Variants in EGFLAM observed in about 807,000 individuals in gnomAD.
EGFLAM encodes EGF like, fibronectin type III and laminin G domains, also known as pikachurin.
A neutral mutation model predicts 113.1 loss-of-function variants in EGFLAM; 79 were observed. The observed-to-expected ratio is 0.70, with a 90% CI of 0.58 to 0.84. The LOEUF (loss-of-function observed/expected upper bound fraction) is 0.84. Ranked by LOEUF, EGFLAM falls within the 40% of genes least tolerant of loss-of-function variation. The probability of loss-of-function intolerance (pLI) is 0.00; values close to 1 mark genes in which losing one functional copy is unlikely to be tolerated. For synonymous variants in EGFLAM, 504 were observed against 487.6 expected (o/e 1.03, Z -0.44); for missense variants, 1,265 against 1,291.6 (o/e 0.98, Z 0.32).
At chr5:38,412,675 A>G (rs1271651784) in intron 11 of EGFLAM, 27 bp downstream of exon 11, 1 of 1,606,674 alleles carries the variant, frequency 6.2e-7, no homozygotes, top group Non-Finnish European at 8.5e-7. Flanking sequence ...CACCCTGCCC[A>G]CCCCACATAC....
At chr5:38,306,992 G>A (rs1023235168) in intron 1 of EGFLAM, among the ~76,000 whole-genome samples, 1 of 152,190 alleles carries the variant, frequency 6.6e-6, no homozygotes, top group Admixed American at 6.5e-5. Context: ...CCCCGGCTGA[G>A]CTTCTAGCCA....
intron 12 of EGFLAM, among the ~76,000 whole-genome samples, chr5:38,423,347 C>A (rs1741894494): frequency 6.6e-6 from 1 of 152,184 alleles, no homozygotes; most frequent in Non-Finnish European, 1.5e-5. Flanking sequence ...ACTCACCAGT[C>A]TGTTTTGCAT....
At chr5:38,326,113 G>T (rs904184384) in intron 1 of EGFLAM, among the ~76,000 whole-genome samples, 7 of 152,102 alleles carry the variant, frequency 4.6e-5, no homozygotes, top group Non-Finnish European at 1.0e-4. Flanking sequence ...CTTCATGAGG[G>T]CTAGAGCCCT....
intron 1 of EGFLAM, among the ~76,000 whole-genome samples, chr5:38,278,505 T>C (rs1430507043): frequency 6.6e-6 from 1 of 151,526 alleles, no homozygotes; most frequent in Admixed American, 6.6e-5. Context: ...TTTTTTTTTT[T>C]CTGAGACAAG....
chr5:38,346,428 C>T (rs1330055410), intron 3 of EGFLAM: 2 of 152,142 alleles, frequency 1.3e-5, no homozygotes, highest in Non-Finnish European at 2.9e-5. Flanking sequence ...AAATCTTGAG[C>T]AAATTGTGAA....
rs868300242 is a variant in EGFLAM, at chr5:38,300,378, T to C, written c.98-37142T>C. On this transcript the variant is annotated intron_variant, in intron 1 of 21. Transcript: ENST00000322350. ...CTCTTCTTCTCTATCTCTCTCTCTT[T>C]TTTTTTTTTTTTTGAGATGGAGTCT... Among the ~76,000 whole-genome samples the C allele has an allele frequency of 5.6e-3, 790 of 142,218 alleles. 7 individuals are homozygous for C. Among genetic ancestry groups the C allele is most frequent in the African/African-American group, 0.018 (662 of 36,006 alleles). 93.3% of individuals were successfully genotyped at this position (142,218 alleles called of 152,430 possible).
chr5:38,335,070 T>A (rs1739148984), intron 1 of EGFLAM, among the ~76,000 whole-genome samples: 1 of 152,184 alleles, frequency 6.6e-6, no homozygotes, highest in South Asian at 2.1e-4. Flanking sequence ...ATGTCAATAG[T>A]GTCAAGGTCG....
At position 38,269,147 on chromosome 5, in the gene EGFLAM, C is replaced by T. The variant is rs142578673; in HGVS notation, c.97+10296C>T. Among the ~76,000 whole-genome samples, 816 of 152,252 alleles carry T rather than the reference C, an allele frequency of 5.4e-3. 8 individuals carry two copies. Among genetic ancestry groups the T allele is most frequent in the African/African-American group, 0.019 (776 of 41,536 alleles). ...TGCAACATGATCCTGCCACTGCACTCCAGCCTGGGCGATGGGAGTGAGACC... is the reference window on the plus strand; with the variant it reads ...TGCAACATGATCCTGCCACTGCACTTCAGCCTGGGCGATGGGAGTGAGACC... On this transcript the variant is annotated intron_variant, in intron 1 of 21. Coordinates refer to ENST00000322350, the MANE Select transcript of EGFLAM (RefSeq NM_152403.4).
intron 5 of EGFLAM, among the ~76,000 whole-genome samples, chr5:38,369,663 G>C (rs1740153120): frequency 6.6e-6 from 1 of 152,190 alleles, no homozygotes; most frequent in Non-Finnish European, 1.5e-5. Flanking sequence ...GGAGAGTCAG[G>C]ATTTGAACTC....
chr5:38,343,219 C>A (rs995887000), intron 3 of EGFLAM, among the ~76,000 whole-genome samples: 4 of 151,972 alleles, frequency 2.6e-5, no homozygotes, highest in Non-Finnish European at 5.9e-5. Flanking sequence ...GCCTGGCCAA[C>A]ATAGTGAAAC....
At chr5:38,408,526 A>G (rs1443280235) in intron 9 of EGFLAM, among the ~76,000 whole-genome samples, 2 of 152,216 alleles carry the variant, frequency 1.3e-5, no homozygotes, top group Non-Finnish European at 2.9e-5. Context: ...GACCTGTCTT[A>G]GTCTAAGACC....
intron 6 of EGFLAM, among the ~76,000 whole-genome samples, chr5:38,373,182 CTG>C (rs997119406): frequency 1.4e-4 from 21 of 152,150 alleles, no homozygotes; most frequent in African/African-American, 5.1e-4. Context: ...CACAGAAACA[CTG>C]TGCTGGAGGA....
At chr5:38,328,285 C>T (rs1210050941) in intron 1 of EGFLAM, among the ~76,000 whole-genome samples, 1 of 152,166 alleles carries the variant, frequency 6.6e-6, no homozygotes, top group Non-Finnish European at 1.5e-5. Context: ...CTCACTATCA[C>T]GAGAACAACA....
intron 1 of EGFLAM, among the ~76,000 whole-genome samples, chr5:38,314,626 A>T (rs932065107): frequency 6.6e-6 from 1 of 152,226 alleles, no homozygotes; most frequent in African/African-American, 2.4e-5. Flanking sequence ...GAGCACTGCC[A>T]TATTTTTCCT....
Position 38,458,299 on chromosome 5 carries a change from C to G in EGFLAM, c.2688-12C>G. On this transcript the variant is annotated splice_polypyrimidine_tract_variant and intron_variant, in intron 19 of 21. Transcript: ENST00000322350. ...ATTCTGTTCTCTGTCTTCTTCTTCT[C>G]CAATGCCTTAGCTATAACCTGGGCA... 2 of 1,612,440 alleles carry G rather than the reference C, an allele frequency of 1.2e-6. No individual in the cohort carries two copies. The highest frequency in any genetic ancestry group is 8.5e-7 in the Non-Finnish European group (1 of 1,179,174).
intron 17 of EGFLAM, among the ~76,000 whole-genome samples, chr5:38,441,460 C>T (rs1742530135): frequency 6.6e-6 from 1 of 152,056 alleles, no homozygotes; most frequent in Non-Finnish European, 1.5e-5. Flanking sequence ...TCTTTACTTG[C>T]ATCCAGTGGA....
intron 17 of EGFLAM, chr5:38,445,412 T>G: frequency 8.0e-7 from 1 of 1,248,612 alleles, no homozygotes; most frequent in Non-Finnish European, 1.0e-6. Flanking sequence ...AACATCTTCT[T>G]GGTCCACCGC....
At chr5:38,435,099 T>C in intron 15 of EGFLAM, 38 bp from the exon 16 acceptor site, 1 of 1,569,128 alleles carries the variant, frequency 6.4e-7, no homozygotes, top group Non-Finnish European at 8.8e-7. Context: ...ACATCTGTTT[T>C]AAAGTCATAC....
chr5:38,348,203 C>G (rs562979682), intron 3 of EGFLAM, among the ~76,000 whole-genome samples: 2 of 152,194 alleles, frequency 1.3e-5, no homozygotes, highest in South Asian at 2.1e-4. Context: ...CCTCACAAAT[C>G]CATGCCTGGA....
Sources: allele counts gnomAD v4.1 joint callset (sites outside exome capture counted in the v4.1 genomes callset), GRCh38; gene constraint gnomAD v4.1.1; transcripts MANE v1.5; gene names NCBI Gene and HGNC (gene_info 2026-07-23, HGNC 2026-07-21).